RGL3: variants seen among roughly 807,000 people sequenced by gnomAD.
The protein encoded by RGL3 is ral guanine nucleotide dissociation stimulator-like 3.
In RGL3, 85 loss-of-function variants were observed where a neutral mutation model predicts 90.6. The ratio of observed to expected loss-of-function variants is 0.94; its 90% CI spans 0.79 to 1.12. RGL3 has a LOEUF of 1.12. Ranked by LOEUF, RGL3 falls within the 50% of genes most tolerant of loss-of-function variation. The pLI is 0.00. For missense variants in RGL3, 1,034 were observed against 939.2 expected (o/e 1.10, Z -1.32); for synonymous variants, 408 against 385.5 (o/e 1.06, Z -0.68).
chr19:11,416,733 G>T, intron 3 of RGL3, 66 bp from the exon 4 acceptor site: 1 of 1,592,542 alleles, frequency 6.3e-7, no homozygotes. Context: ...AGAGGGCTCT[G>T]GGTCTGGGAG....
intron 2 of RGL3, 21 bp downstream of exon 2, chr19:11,418,646 GCCAC>G: frequency 6.6e-7 from 1 of 1,512,918 alleles, no homozygotes. Flanking sequence ...CCGGCCCCGC[GCCAC>G]CCACCAAACC....
At chr19:11,403,226 A>C (rs896892486) in intron 9 of RGL3, among the ~76,000 whole-genome samples, 2 of 150,792 alleles carry the variant, frequency 1.3e-5, no homozygotes, top group African/African-American at 4.8e-5. Flanking sequence ...TAGTAGAGAC[A>C]GGGTTTCACT....
chr19:11,414,493 ATATAT>A lies in RGL3; in HGVS notation c.637+1439_637+1443del, dbSNP rs1352489654. Among the ~76,000 whole-genome samples the A allele has an allele frequency of 6.2e-4, 9 of 14,520 alleles. 2 individuals carry two copies. Among genetic ancestry groups the A allele is most frequent in the Non-Finnish European group, 9.8e-4 (8 of 8,134 alleles). 9.5% of individuals were successfully genotyped at this position (14,520 alleles called of 152,430 possible). On this transcript the variant is annotated intron_variant, in intron 5 of 18. Coordinates refer to ENST00000380456, the MANE Select transcript of RGL3 (RefSeq NM_001035223.4). ...TATATATATATATATACACCTTCAT[ATATAT>A]ATATATATATATATATATATATATA...
intron 2 of RGL3, among the ~76,000 whole-genome samples, chr19:11,418,240 CCCA>C (rs1181503173): frequency 2.4e-5 from 3 of 125,842 alleles, no homozygotes; most frequent in African/African-American, 8.6e-5. Flanking sequence ...GTCCCCTCCC[CCCA>C]CCCCCCCGCC....
At position 11,414,631 on chromosome 19, in the gene RGL3, T is replaced by G. The variant is rs1568342145; in HGVS notation, c.637+1306A>C. Among the ~76,000 whole-genome samples, 16 of 148,480 alleles carry G rather than the reference T, an allele frequency of 1.1e-4. No homozygotes were observed. The South Asian group carries it at 3.2e-3, about 29-fold the overall frequency. ...GAAGGTGGCCACTATAATCTGGAGA[T>G]TAAGCGATGGGGATTAGGGATAGAG... On this transcript the variant is annotated intron_variant, in intron 5 of 18. Coordinates refer to ENST00000380456, the MANE Select transcript of RGL3 (RefSeq NM_001035223.4).
At chr19:11,418,336 T>C (rs1039693228) in intron 2 of RGL3, among the ~76,000 whole-genome samples, 22 of 147,300 alleles carry the variant, frequency 1.5e-4, no homozygotes, top group Non-Finnish European at 7.5e-5. Flanking sequence ...CGCCCTCACC[T>C]AGCCACTTCT....
At chr19:11,413,756 T>G (rs1161502846) in intron 5 of RGL3, among the ~76,000 whole-genome samples, 1 of 148,856 alleles carries the variant, frequency 6.7e-6, no homozygotes, top group African/African-American at 2.4e-5. Flanking sequence ...TTTGGTTTTT[T>G]TTTTTTAGGC....
At position 11,405,320 on chromosome 19, in the gene RGL3, C is replaced by T. The variant is rs1968753353; in HGVS notation, c.1100+3G>A. 4 of 1,613,376 alleles carry T rather than the reference C, an allele frequency of 2.5e-6. No homozygotes were observed. In the East Asian group the frequency reaches 6.7e-5, roughly 27 times the overall value. The stretch of plus-strand genomic sequence containing the variant: ...CTGGGGAACAGGTCCCGCCCCAGCT[C>T]ACCGGCTCACTGCCCCCCAGCTGCG... On this transcript the variant is annotated splice_donor_region_variant and intron_variant, in intron 8 of 18. Coordinates refer to ENST00000380456, the MANE Select transcript of RGL3 (RefSeq NM_001035223.4).
chr19:11,416,053 AAGGTTCGGACACTGCCC>A lies in RGL3; in HGVS notation c.504_520del (p.Gly169SerfsTer10), dbSNP rs1968988959. 1 of 1,613,662 alleles carries A rather than the reference AAGGTTCGGACACTGCCC, an allele frequency of 6.2e-7. No homozygotes were observed. The highest frequency in any genetic ancestry group is 8.5e-7 in the Non-Finnish European group (1 of 1,179,880). The stretch of plus-strand genomic sequence containing the variant: ...ACTCCCTGGGGCCGCCCAGCCCAGA[AAGGTTCGGACACTGCCC>A]AGGTCCGAATGGGCAGGGTGGTCTC... On this transcript the variant is annotated frameshift_variant, in exon 5 of 19. Coordinates refer to ENST00000380456, the MANE Select transcript of RGL3 (RefSeq NM_001035223.4). LOFTEE classifies it high-confidence loss of function.
chr19:11,395,977 G>T (rs1216762564), intron 18 of RGL3, among the ~76,000 whole-genome samples: 2 of 147,346 alleles, frequency 1.4e-5, no homozygotes, highest in African/African-American at 2.5e-5. Context: ...ACCCAGGCTG[G>T]AGTGCAGTGG....
At chr19:11,400,719 G>A (rs1460148870) in intron 13 of RGL3, among the ~76,000 whole-genome samples, 2 of 151,898 alleles carry the variant, frequency 1.3e-5, no homozygotes, top group Non-Finnish European at 2.9e-5. Context: ...GCCAGGTGTG[G>A]TAGCTCGCGC....
At chr19:11,419,163 A>G in intron 1 of RGL3, 83 bp downstream of exon 1, 1 of 1,464,156 alleles carries the variant, frequency 6.8e-7, no homozygotes, top group Non-Finnish European at 9.4e-7. Flanking sequence ...GGGAGCAGAT[A>G]CCGTCCGACG....
chr19:11,407,242 T>C (rs1051806510), intron 5 of RGL3, among the ~76,000 whole-genome samples: 6 of 152,064 alleles, frequency 3.9e-5, no homozygotes, highest in Admixed American at 1.3e-4. Flanking sequence ...CGCCTTGGCC[T>C]CCCAAAGTGC....
In RGL3 at chr19:11,402,470, C is replaced by G. The variant is rs1968696668; in HGVS notation, c.1314G>C (p.Leu438=). The G allele has an allele frequency of 6.2e-7, 1 of 1,602,630 alleles. No individual in the cohort carries two copies. Among genetic ancestry groups the G allele is most frequent in the Admixed American group, 1.8e-5 (1 of 56,576 alleles). Residue 438 remains leucine (L), a synonymous_variant, in exon 11 of 19, where the codon CTG becomes CTC. Transcript: ENST00000380456. The stretch of plus-strand genomic sequence containing the variant: ...GGGGTCAGACCTCCAACATATCCGG[C>G]AGGGCTGTGTCCAGCATAACCAGGT... ...LTDLVMLDTA[L]PDMLEGDLIN...
intron 9 of RGL3, among the ~76,000 whole-genome samples, chr19:11,403,316 T>A (rs1007572672): frequency 6.9e-6 from 1 of 145,348 alleles, no homozygotes; most frequent in African/African-American, 2.5e-5. Context: ...ATTACAGGCG[T>A]GAGCCACCGT....
chr19:11,417,970 G>A (rs527353525), intron 2 of RGL3, among the ~76,000 whole-genome samples: 87 of 152,196 alleles, frequency 5.7e-4, no homozygotes, highest in Non-Finnish European at 1.1e-3. Flanking sequence ...GACCACTGCT[G>A]GGCATCATCA....
At chr19:11,402,164 G>GCCC in intron 12 of RGL3, 32 bp from the exon 13 acceptor site, 2 of 1,585,720 alleles carry the variant, frequency 1.3e-6, no homozygotes, top group Admixed American at 1.7e-5. Context: ...CCCTACCCCT[G>GCCC]CCCCACCCCC....
chr19:11,413,654 G>C (rs1024838431), intron 5 of RGL3, among the ~76,000 whole-genome samples: 12 of 151,108 alleles, frequency 7.9e-5, no homozygotes, highest in Non-Finnish European at 1.6e-4. Context: ...AGACCAGCCT[G>C]GGCAACATGG....
At chr19:11,397,803 G>C in intron 16 of RGL3, 2 of 417,062 alleles carry the variant, frequency 4.8e-6, no homozygotes, top group Admixed American at 8.1e-5. Context: ...GAGGTCGGGA[G>C]TTCAAGACCA....
Sources: gnomAD v4.1 joint callset for allele counts (sites outside exome capture counted in the v4.1 genomes callset) on GRCh38, gnomAD v4.1.1 for gene constraint, MANE v1.5 for transcripts, NCBI Gene and HGNC (gene_info 2026-07-23, HGNC 2026-07-21) for gene names.